The following MEGF11 variants were observed in gnomAD, a reference collection of about 807,000 sequenced individuals.
MEGF11 encodes multiple epidermal growth factor-like domains protein 11.
A neutral mutation model predicts 146.6 loss-of-function variants in MEGF11; 126 were observed. The ratio of observed to expected loss-of-function variants is 0.86; its 90% CI spans 0.74 to 1.00. The LOEUF (loss-of-function observed/expected upper bound fraction) is 1.00, where lower values mean the gene tolerates loss of function less well. MEGF11 is among the 50% of genes least tolerant of loss of function. The probability of loss-of-function intolerance (pLI) is 0.00; values close to 1 mark genes in which losing one functional copy is unlikely to be tolerated. For synonymous variants in MEGF11, 532 were observed against 583.4 expected, an observed-to-expected ratio of 0.91 and a Z score of 1.27; for missense variants, 1,509 against 1,521.2, an observed-to-expected ratio of 0.99 and a Z score of 0.13.
chr15:65,946,763 T>C (rs905648117), intron 10 of MEGF11, among the ~76,000 whole-genome samples: 1 of 152,154 alleles, frequency 6.6e-6, no homozygotes, highest in African/African-American at 2.4e-5. Context: ...TACAGTACTG[T>C]TTTGTCACAA....
intron 9 of MEGF11, among the ~76,000 whole-genome samples, chr15:65,962,037 C>T (rs938392753): frequency 2.0e-5 from 3 of 152,288 alleles, no homozygotes; most frequent in East Asian, 3.9e-4. Flanking sequence ...GCCCTTATTA[C>T]GGATACTTGC....
chr15:66,100,852 ATGGGTGGG>A (rs67230634), intron 4 of MEGF11, among the ~76,000 whole-genome samples: 2 of 77,090 alleles, frequency 2.6e-5, no homozygotes, highest in Non-Finnish European at 4.7e-5. Context: ...GAGCCACTGG[ATGGGTGGG>A]TGGGTGGGTG....
chr15:66,113,389 G>A (rs1289708364), intron 4 of MEGF11, among the ~76,000 whole-genome samples: 1 of 152,210 alleles, frequency 6.6e-6, no homozygotes. Flanking sequence ...CACTGAAAGG[G>A]CCAGAAGATT....
At chr15:66,141,233 GGTGTGTGTGTGTGTGTGTGTGTGTGT>G (rs572801225) in intron 1 of MEGF11, among the ~76,000 whole-genome samples, 12 of 97,204 alleles carry the variant, frequency 1.2e-4, no homozygotes, top group South Asian at 4.3e-4. Flanking sequence ...CAGACTCAGG[GGTGTGTGTGTGTGTGTGTGTGTGTGT>G]GTGTGTGTGT....
At chr15:66,222,001 C>T (rs1567289376) in intron 1 of MEGF11, among the ~76,000 whole-genome samples, 1 of 152,150 alleles carries the variant, frequency 6.6e-6, no homozygotes, top group Admixed American at 6.5e-5. Flanking sequence ...CTTGCACTTA[C>T]GTGGCAGCAG....
At chr15:66,081,318 A>G (rs1214610983) in intron 5 of MEGF11, among the ~76,000 whole-genome samples, 1 of 151,964 alleles carries the variant, frequency 6.6e-6, no homozygotes, top group African/African-American at 2.4e-5. Flanking sequence ...CTGGACTTTG[A>G]CTCCTTAGAA....
chr15:66,231,210 C>T (rs1471967086), intron 1 of MEGF11, among the ~76,000 whole-genome samples: 1 of 151,926 alleles, frequency 6.6e-6, no homozygotes, highest in Admixed American at 6.6e-5. Flanking sequence ...AAAGAGGAGC[C>T]CTACTTCACA....
intron 5 of MEGF11, among the ~76,000 whole-genome samples, chr15:66,016,475 T>G (rs2082887655): frequency 8.5e-6 from 1 of 117,832 alleles, no homozygotes; most frequent in Non-Finnish European, 1.7e-5. Flanking sequence ...TTTCCATCCA[T>G]TCAGTTTTTT....
intron 10 of MEGF11, among the ~76,000 whole-genome samples, chr15:65,951,161 A>C (rs536644465): frequency 6.6e-6 from 1 of 152,342 alleles, no homozygotes; most frequent in East Asian, 1.9e-4. Context: ...GGAATGGTTA[A>C]TTCCGAAGAG....
At chr15:65,941,642 C>G (rs1471255868) in intron 10 of MEGF11, among the ~76,000 whole-genome samples, 4 of 152,218 alleles carry the variant, frequency 2.6e-5, no homozygotes, top group Non-Finnish European at 4.4e-5. Flanking sequence ...TTCTCCTTTT[C>G]TAACCATTCT....
rs116801647 is a variant in MEGF11 at position 65,898,917 on chromosome 15, C to A, written c.3073G>T (p.Val1025Leu). The A allele has an allele frequency of 5.6e-6, 9 of 1,613,832 alleles. No individual in the cohort carries two copies. In the East Asian group the frequency reaches 2.0e-4, roughly 36 times the overall value. Reference sequence around the variant, plus strand: ...AAGGAACAAGTACTAGAACTGCACACGGATTCTTTCATGTAATCTGCAAGG... The same window carrying A: ...AAGGAACAAGTACTAGAACTGCACAAGGATTCTTTCATGTAATCTGCAAGG... Reference protein sequence around the residue: ...KGFKDYMKESVCSSSTCSLNS... With the variant: ...KGFKDYMKESLCSSSTCSLNS... Residue 1025 changes from valine to leucine, a missense_variant, in exon 25 of 26, where the codon GTG (valine) becomes TTG (leucine). By Grantham distance (32) the Val-to-Leu change is conservative. Coordinates refer to ENST00000395614, the MANE Select transcript of MEGF11 (RefSeq NM_001385028.1).
chr15:66,110,440 A>AC (rs1218173347), intron 4 of MEGF11, among the ~76,000 whole-genome samples: 1 of 151,100 alleles, frequency 6.6e-6, no homozygotes, highest in Non-Finnish European at 1.5e-5. Context: ...ATTAACTTTG[A>AC]CCTCTCAGTG....
chr15:66,124,328 A>C (rs564163605), intron 2 of MEGF11, among the ~76,000 whole-genome samples: 7 of 152,344 alleles, frequency 4.6e-5, no homozygotes, highest in Admixed American at 2.0e-4. Flanking sequence ...GGCAGAGCCA[A>C]CAAGTTTAAA....
intron 1 of MEGF11, among the ~76,000 whole-genome samples, chr15:66,219,602 A>T (rs1037776297): frequency 1.3e-5 from 2 of 152,156 alleles, no homozygotes; most frequent in African/African-American, 4.8e-5. Context: ...TCACTCATAC[A>T]TTGCTGATGG....
chr15:65,935,667 CAG>C (rs907424555), intron 10 of MEGF11, among the ~76,000 whole-genome samples: 3 of 152,146 alleles, frequency 2.0e-5, no homozygotes, highest in Non-Finnish European at 4.4e-5. Context: ...AATGGGGAAT[CAG>C]AGAGTTTCTA....
intron 5 of MEGF11, among the ~76,000 whole-genome samples, chr15:66,038,432 C>T (rs2083810525): frequency 6.6e-6 from 1 of 152,202 alleles, no homozygotes; most frequent in Non-Finnish European, 1.5e-5. Flanking sequence ...AAAGTCCCCT[C>T]AGTGGCTAAG....
At chr15:66,166,067 A>G (rs2090088926) in intron 1 of MEGF11, among the ~76,000 whole-genome samples, 1 of 152,190 alleles carries the variant, frequency 6.6e-6, no homozygotes, top group Non-Finnish European at 1.5e-5. Context: ...GACGGTGCCC[A>G]TAGTTACATC....
At position 66,081,539 on chromosome 15, in the gene MEGF11, C is replaced by T. The variant is rs1042321170; in HGVS notation, c.394+12863G>A. 5.3e-5 allele frequency among the ~76,000 whole-genome samples: 8 copies of T among 152,304 alleles called. No homozygotes were observed. In the South Asian group the frequency reaches 1.5e-3, roughly 28 times the overall value. ...GATTACAGGCGCCCTCCACCATGCCCAGCTAATTTCTGTATTTTTAGTAGA... is the reference window on the plus strand; with the variant it reads ...GATTACAGGCGCCCTCCACCATGCCTAGCTAATTTCTGTATTTTTAGTAGA... On this transcript the variant is annotated intron_variant, in intron 5 of 25. Coordinates refer to ENST00000395614, the MANE Select transcript of MEGF11 (RefSeq NM_001385028.1).
At chr15:66,119,416 C>T (rs2087906035) in intron 3 of MEGF11, among the ~76,000 whole-genome samples, 1 of 152,208 alleles carries the variant, frequency 6.6e-6, no homozygotes, top group Admixed American at 6.5e-5. Context: ...GACTTTTCCC[C>T]AGTCACTTCT....
Sources: gnomAD v4.1 joint callset for allele counts (sites outside exome capture counted in the v4.1 genomes callset) on GRCh38, gnomAD v4.1.1 for gene constraint, MANE v1.5 for transcripts, NCBI Gene and HGNC (gene_info 2026-07-23, HGNC 2026-07-21) for gene names.